The following FREM2 variants were observed in gnomAD, a reference collection of about 807,000 sequenced individuals.
FREM2 encodes the protein FRAS1-related extracellular matrix protein 2.
In FREM2, 119 loss-of-function variants were observed where a neutral mutation model predicts 219.9. The ratio of observed to expected loss-of-function variants is 0.54; its 90% confidence interval spans 0.47 to 0.63. The LOEUF is 0.63. Ranked by LOEUF, FREM2 falls within the 30% of genes least tolerant of loss-of-function variation. The pLI is 0.00. For synonymous variants in FREM2, 1,562 were observed against 1,522.8 expected (o/e 1.03, Z -0.60); for missense variants, 4,030 against 3,993.6 (o/e 1.01, Z -0.25).
At chr13:38,864,189 T>C in intron 15 of FREM2, 86 bp from the exon 16 acceptor site, 1 of 1,041,914 alleles carries the variant, frequency 9.6e-7, no homozygotes, top group Non-Finnish European at 1.5e-6. Context: ...ATGACACTTG[T>C]TTTCTTAAGA....
At position 38,884,243 on chromosome 13, in the gene FREM2, A is replaced by G. The variant is rs1878653382; in HGVS notation, c.*3456A>G. On this transcript the variant is annotated 3_prime_UTR_variant, in exon 24 of 24. Coordinates refer to ENST00000280481, the MANE Select transcript of FREM2 (RefSeq NM_207361.6). ...AGCAAAAAAGCTTCTTTATCAAGTC[A>G]TCTTACCTCTAATTCTTTTCCAGTG... is the stretch of plus-strand genomic sequence containing the variant. The G allele has an allele frequency of 6.6e-6, 1 of 152,240 alleles. No homozygotes were observed. Among genetic ancestry groups the G allele is most frequent in the African/African-American group, 2.4e-5 (1 of 41,468 alleles). 9.4% of individuals were successfully genotyped at this position (152,240 alleles called of 1,614,324 possible). A position where few individuals can be genotyped will look rare whatever the true frequency, so the allele number is the denominator to read the frequency against.
intron 4 of FREM2, among the ~76,000 whole-genome samples, chr13:38,772,874 T>G (rs1436438605): frequency 6.6e-6 from 1 of 151,946 alleles, no homozygotes; most frequent in African/African-American, 2.4e-5. Flanking sequence ...TTTTTGTATT[T>G]TTAGTAGAGA....
At chr13:38,783,473 T>TAAA (rs141521145) in intron 5 of FREM2, among the ~76,000 whole-genome samples, 12 of 124,038 alleles carry the variant, frequency 9.7e-5, no homozygotes, top group African/African-American at 1.2e-4. Flanking sequence ...GGTTACTATA[T>TAAA]AAAAAAAAAA....
intron 2 of FREM2, among the ~76,000 whole-genome samples, chr13:38,710,025 ACACACACACAC>A (rs1870707019): frequency 6.7e-6 from 1 of 148,396 alleles, no homozygotes; most frequent in Non-Finnish European, 1.5e-5. Context: ...ACACACACAC[ACACACACACAC>A]AAATTAGCCG....
intron 2 of FREM2, among the ~76,000 whole-genome samples, chr13:38,708,171 A>G (rs1870614721): frequency 6.6e-6 from 1 of 152,208 alleles, no homozygotes; most frequent in African/African-American, 2.4e-5. Flanking sequence ...TGTCCATGAG[A>G]GCCAGGATTT....
Position 38,690,212 on chromosome 13 carries a change from C to T in FREM2, c.2868C>T (p.Val956=), listed in dbSNP as rs1406301069. The part of the protein sequence containing the change: ...PTGTLESYLD[V]LENGATEITA... ...GCACTCTGGAGTCCTATCTAGATGT[C>T]TTAGAAAATGGGGCTACTGAAATCA... Residue 956 remains valine, a synonymous_variant, in exon 1 of 24, where the codon GTC becomes GTT. Transcript: ENST00000280481. The T allele has an allele frequency of 3.7e-6, 6 of 1,614,020 alleles. No homozygotes were observed. In the South Asian group the frequency reaches 4.4e-5, roughly 12 times the overall value.
At chr13:38,785,697 T>C (rs1874299219) in intron 6 of FREM2, among the ~76,000 whole-genome samples, 1 of 152,222 alleles carries the variant, frequency 6.6e-6, no homozygotes, top group South Asian at 2.1e-4. Flanking sequence ...GGTGATAATG[T>C]GTCTTGTGAG....
intron 2 of FREM2, among the ~76,000 whole-genome samples, chr13:38,703,836 A>G (rs1870434438): frequency 1.3e-5 from 2 of 152,140 alleles, no homozygotes; most frequent in Non-Finnish European, 2.9e-5. Context: ...TGTTAGGAAG[A>G]TTTCTAGAAA....
intron 12 of FREM2, among the ~76,000 whole-genome samples, chr13:38,856,959 C>T (rs937121595): frequency 8.6e-5 from 13 of 151,916 alleles, no homozygotes; most frequent in Admixed American, 2.6e-4. Flanking sequence ...AGCTGGGAAA[C>T]GTTTTTCCTT....
intron 2 of FREM2, among the ~76,000 whole-genome samples, chr13:38,735,549 G>A (rs1346475254): frequency 6.6e-6 from 1 of 151,970 alleles, no homozygotes; most frequent in African/African-American, 2.4e-5. Flanking sequence ...GTAATTACTT[G>A]AATTACTTTT....
At chr13:38,816,548 A>C (rs945875540) in intron 6 of FREM2, among the ~76,000 whole-genome samples, 9 of 152,324 alleles carry the variant, frequency 5.9e-5, no homozygotes, top group African/African-American at 1.9e-4. Flanking sequence ...AAAACGCTCA[A>C]GAAATTAGAT....
chr13:38,748,174 G>C (rs575623108), intron 2 of FREM2, among the ~76,000 whole-genome samples: 8 of 152,182 alleles, frequency 5.3e-5, no homozygotes, highest in African/African-American at 1.9e-4. Flanking sequence ...AAAGCAAAGC[G>C]TGTGTTCCAA....
chr13:38,788,661 C>A (rs924422997), intron 6 of FREM2, among the ~76,000 whole-genome samples: 1 of 152,054 alleles, frequency 6.6e-6, no homozygotes, highest in Non-Finnish European at 1.5e-5. Context: ...TAATTCTCAA[C>A]GTCATTTTAC....
chr13:38,874,696 A>C, intron 18 of FREM2, 110 bp downstream of exon 18: 9 of 833,062 alleles, frequency 1.1e-5, no homozygotes, highest in Non-Finnish European at 1.9e-5. Flanking sequence ...CCTTAATCTC[A>C]AATGAATTGT....
At chr13:38,856,787 C>G (rs1173407423) in intron 12 of FREM2, among the ~76,000 whole-genome samples, 1 of 148,768 alleles carries the variant, frequency 6.7e-6, no homozygotes, top group Non-Finnish European at 1.5e-5. Flanking sequence ...TCTCACTAAC[C>G]AGGTTTTCCT....
intron 16 of FREM2, among the ~76,000 whole-genome samples, chr13:38,868,663 A>G (rs1265517138): frequency 6.6e-6 from 1 of 152,232 alleles, no homozygotes; most frequent in Non-Finnish European, 1.5e-5. Context: ...TGTTGGTAAA[A>G]CGGTGCAAAT....
chr13:38,724,959 A>G (rs1401657938), intron 2 of FREM2, among the ~76,000 whole-genome samples: 5 of 152,230 alleles, frequency 3.3e-5, no homozygotes, highest in Admixed American at 3.3e-4. Context: ...ACCCATAGCT[A>G]GGGATGTTGC....
chr13:38,821,571 A>C (rs918842368), intron 6 of FREM2: 1 of 152,064 alleles, frequency 6.6e-6, no homozygotes, highest in African/African-American at 2.4e-5. Context: ...TCTAAGAAAC[A>C]GGTCTTTTTT....
rs769936972 is a variant in FREM2, at chr13:38,880,305, T to C, written c.9028T>C (p.Tyr3010His). The part of the protein sequence containing the change: ...LFQVALGREW[Y>H]IHTIYTVRSK... ...CTAGGTCGCTCTAGGCCGAGAATGGTATATACATACGATCTATACAGTGAG... is the reference window on the plus strand; with the variant it reads ...CTAGGTCGCTCTAGGCCGAGAATGGCATATACATACGATCTATACAGTGAG... Residue 3010 changes from tyrosine to histidine, a missense_variant, in exon 24 of 24, where the codon TAT becomes CAT. Physicochemically the swap from Tyr to His is moderately conservative, Grantham distance 83 (BLOSUM62 2). Transcript: ENST00000280481. 1.2e-6 allele frequency: 2 copies of C among 1,613,870 alleles called. No individual in the cohort carries two copies. The highest frequency in any genetic ancestry group is 1.1e-5 in the South Asian group (1 of 91,062).
Sources: gnomAD v4.1 joint callset for allele counts (sites outside exome capture counted in the v4.1 genomes callset) on GRCh38, gnomAD v4.1.1 for gene constraint, MANE v1.5 for transcripts, NCBI Gene and HGNC (gene_info 2026-07-23, HGNC 2026-07-21) for gene names.